Variants in NOTO observed in about 807,000 individuals in gnomAD.
NOTO encodes the protein homeobox protein notochord.
Under a neutral mutation model 20.5 loss-of-function variants are expected in NOTO, and 19 were observed. That is an observed-to-expected ratio of 0.93 (90% CI 0.65 to 1.36). The LOEUF is 1.36. Ranked by LOEUF, NOTO falls within the 40% of genes most tolerant of loss-of-function variation. The pLI, the probability that NOTO is intolerant of heterozygous loss-of-function variation, is 0.00. For missense variants in NOTO, 369 were observed against 336.2 expected, an observed-to-expected ratio of 1.10 and a Z score of -0.76; for synonymous variants, 150 against 150.2, an observed-to-expected ratio of 1.00 and a Z score of 0.01.
chr2:73,210,713 T>C (rs1242072990), intron 2 of NOTO, 58 bp from the exon 3 acceptor site: 18 of 1,426,470 alleles, frequency 1.3e-5, no homozygotes, highest in South Asian at 2.8e-5. Context: ...CTCCAGGAAT[T>C]AGGAAGCAGT....
Position 73,210,889 on chromosome 2 carries a change from G to A in NOTO, c.716G>A (p.Ser239Asn). The change falls in exon 3 of 3, where the codon AGT (serine) becomes AAT (asparagine). Residue 239 changes from serine to asparagine, a missense_variant. Ser to Asn is a conservative substitution (Grantham distance 46). Transcript: ENST00000398468. ...GAGCCTTCCAGCAGCTCCATCGCCA[G>A]TATCCAGAGTGATGATGCCGAGTCA... is the stretch of plus-strand genomic sequence containing the variant. Reference protein sequence around the residue: ...LDEPSSSSIASIQSDDAESGV... With the variant: ...LDEPSSSSIANIQSDDAESGV... The A allele has an allele frequency of 6.4e-7, 1 of 1,551,616 alleles. No homozygotes were observed. Among genetic ancestry groups the A allele is most frequent in the Non-Finnish European group, 8.7e-7 (1 of 1,146,916 alleles).
In NOTO at chr2:73,210,763, A is replaced by C; in HGVS notation, c.598-8A>C. ...ACATTCTGATCTCTGCCCACTCTCC[A>C]ATTATAGGTGAGAGTCTGGTTCCAG... On this transcript the variant is annotated splice_region_variant and splice_polypyrimidine_tract_variant and intron_variant, in intron 2 of 2. Transcript: ENST00000398468. 1 of 1,545,792 alleles carries C rather than the reference A, an allele frequency of 6.5e-7. No homozygotes were observed. The highest frequency in any genetic ancestry group is 1.2e-5 in the South Asian group (1 of 83,232).
At chr2:73,203,153 A>C (rs957178631) in intron 1 of NOTO, 105 bp downstream of exon 1, 28 of 1,002,248 alleles carry the variant, frequency 2.8e-5, no homozygotes, top group South Asian at 2.4e-5. Context: ...GAGTGTGAGA[A>C]TCACACACGG....
chr2:73,208,186 T>C (rs1686115119), intron 1 of NOTO, among the ~76,000 whole-genome samples: 1 of 152,238 alleles, frequency 6.6e-6, no homozygotes, highest in African/African-American at 2.4e-5. Flanking sequence ...GCAGACAGTC[T>C]CATTGCATTG....
Position 73,202,934 on chromosome 2 carries a change from C to A in NOTO, c.268C>A (p.Leu90Met). 6.6e-7 allele frequency: 1 copy of A among 1,519,370 alleles called. No homozygotes were observed. The highest frequency in any genetic ancestry group is 8.8e-7 in the Non-Finnish European group (1 of 1,137,476). The allele number at this position is 1,519,370 out of a possible 1,614,324, so 94.1% of individuals were successfully genotyped here. Reference protein sequence around the residue: ...TAASLCATGGLPWACPTSWLP... With the variant: ...TAASLCATGGMPWACPTSWLP... ...TGCTTCCCTGTGCGCCACCGGGGGT[C>A]TGCCCTGGGCTTGCCCGACATCGTG... Residue 90 changes from leucine (L) to methionine (M), a missense_variant, in exon 1 of 3, where the codon CTG becomes ATG. Transcript: ENST00000398468.
chr2:73,206,158 A>AT (rs1401076820), intron 1 of NOTO, among the ~76,000 whole-genome samples: 2 of 151,870 alleles, frequency 1.3e-5, no homozygotes, highest in East Asian at 1.9e-4. Context: ...CTCCATTTAG[A>AT]TTTTTTTTAG....
intron 1 of NOTO, 43 bp from the exon 2 acceptor site, chr2:73,208,357 C>T: frequency 7.1e-7 from 1 of 1,403,136 alleles, no homozygotes; most frequent in Non-Finnish European, 9.9e-7. Context: ...GGCTAACCTC[C>T]CCTGCTGCTG....
At chr2:73,210,470 T>C (rs1686163907) in intron 2 of NOTO, among the ~76,000 whole-genome samples, 1 of 152,222 alleles carries the variant, frequency 6.6e-6, no homozygotes, top group African/African-American at 2.4e-5. Context: ...TTTGTTTACA[T>C]GTTTCTTGCC....
rs927649380 is a variant in NOTO, at chr2:73,203,061, C to G, written c.382+13C>G. 1.0e-5 allele frequency: 14 copies of G among 1,372,564 alleles called. No homozygotes were observed. Among genetic ancestry groups the G allele is most frequent in the African/African-American group, 1.5e-5 (1 of 65,098 alleles). The allele number at this position is 1,372,564 out of a possible 1,614,324, so 85.0% of individuals were successfully genotyped here. A position where few individuals can be genotyped will look rare whatever the true frequency, so the allele number is the denominator to read the frequency against. On this transcript the variant is annotated intron_variant, in intron 1 of 2. Coordinates refer to ENST00000398468, the MANE Select transcript of NOTO (RefSeq NM_001134462.2). The stretch of plus-strand genomic sequence containing the variant: ...TTCGGCGTCACAGGTACTGCGGTCC[C>G]GGCGCCCGCACGCGGGGGACTGGGC...
In NOTO at chr2:73,202,686, G is replaced by C. The variant is rs1329327278; in HGVS notation, c.20G>C (p.Arg7Pro). Residue 7 changes from arginine (R) to proline (P), a missense_variant, in exon 1 of 3, where the codon CGA becomes CCA. By Grantham distance (103) the Arg-to-Pro change is moderately radical. Transcript: ENST00000398468. ...CGCGTCATGCCTAGCCCCAGGCCGC[G>C]AGGCAGCCCGCCACCCGCTCCCTCG... Reference protein sequence around the residue: MPSPRPRGSPPPAPSGS... With the variant: MPSPRPPGSPPPAPSGS... The C allele has an allele frequency of 6.7e-7, 1 of 1,500,164 alleles. No individual in the cohort carries two copies. The highest frequency in any genetic ancestry group is 8.8e-7 in the Non-Finnish European group (1 of 1,132,136). 92.9% of individuals were successfully genotyped at this position (1,500,164 alleles called of 1,614,324 possible).
At chr2:73,205,708 C>T (rs1005266000) in intron 1 of NOTO, among the ~76,000 whole-genome samples, 1 of 151,928 alleles carries the variant, frequency 6.6e-6, no homozygotes, top group Non-Finnish European at 1.5e-5. Context: ...GGTGCGATCA[C>T]GGCTCACTGC....
chr2:73,203,964 T>G (rs887205868), intron 1 of NOTO, among the ~76,000 whole-genome samples: 6 of 130,410 alleles, frequency 4.6e-5, no homozygotes, highest in African/African-American at 1.4e-4. Flanking sequence ...CCGGGCATGG[T>G]GGCGCGTGCC....
rs1168681204 is a variant in NOTO, at chr2:73,202,855, G to A, written c.189G>A (p.Pro63=). The change falls in exon 1 of 3, where the codon CCG becomes CCA. Residue 63 remains proline (P), a synonymous_variant. Transcript: ENST00000398468. The part of the protein sequence containing the change: ...AILARPDPCA[P]AASQPSGSAC... Reference sequence around the variant, plus strand: ...TGGCGAGGCCCGACCCCTGCGCGCCGGCGGCCTCCCAGCCGTCGGGCTCCG... The same window carrying A: ...TGGCGAGGCCCGACCCCTGCGCGCCAGCGGCCTCCCAGCCGTCGGGCTCCG... The A allele has an allele frequency of 5.2e-6, 8 of 1,526,338 alleles. No homozygotes were observed. The highest frequency in any genetic ancestry group is 7.0e-6 in the Non-Finnish European group (8 of 1,142,270). 94.5% of individuals were successfully genotyped at this position (1,526,338 alleles called of 1,614,324 possible). A position where few individuals can be genotyped will look rare whatever the true frequency, so the allele number is the denominator to read the frequency against.
rs1363044747 is a variant in NOTO, at chr2:73,208,592, G to A, written c.575G>A (p.Arg192Gln). The A allele has an allele frequency of 6.4e-6, 10 of 1,550,982 alleles. No homozygotes were observed. The highest frequency in any genetic ancestry group is 2.7e-5 in the African/African-American group (2 of 73,014). The part of the protein sequence containing the change: ...VGKKRAQLAA[R>Q]LKLTENQVRV... ...AAGAAGAGAGCCCAGCTGGCAGCTC[G>A]GCTCAAACTTACAGAGAACCAGGTG... Residue 192 changes from arginine to glutamine, a missense_variant, in exon 2 of 3, where the codon CGG (arginine) becomes CAG (glutamine). Coordinates refer to ENST00000398468, the MANE Select transcript of NOTO (RefSeq NM_001134462.2).
intron 2 of NOTO, 40 bp downstream of exon 2, chr2:73,208,654 G>C: frequency 7.5e-7 from 1 of 1,325,638 alleles, no homozygotes; most frequent in Non-Finnish European, 1.1e-6. Flanking sequence ...GCTGCACCTG[G>C]GGACAAACAC....
rs1686018599 is a variant in NOTO at position 73,202,632 on chromosome 2, C to T, written c.-35C>T. 1 of 1,424,112 alleles carries T rather than the reference C, an allele frequency of 7.0e-7. No homozygotes were observed. The allele number at this position is 1,424,112 out of a possible 1,614,324, so 88.2% of individuals were successfully genotyped here. A position where few individuals can be genotyped will look rare whatever the true frequency, so the allele number is the denominator to read the frequency against. Reference sequence around the variant, plus strand: ...AGAATCTTCTCACTTCTCCCGAGCTCCCTTCCTTGCGTCCGTCCGGGCAAC... The same window carrying T: ...AGAATCTTCTCACTTCTCCCGAGCTTCCTTCCTTGCGTCCGTCCGGGCAAC... On this transcript the variant is annotated 5_prime_UTR_variant, in exon 1 of 3. Transcript: ENST00000398468.
Position 73,208,332 on chromosome 2 carries a change from G to A in NOTO, c.383-68G>A, listed in dbSNP as rs1337405481. The A allele has an allele frequency of 3.7e-6, 4 of 1,088,292 alleles. No individual in the cohort carries two copies. In the East Asian group the frequency reaches 1.0e-4, roughly 28 times the overall value. 67.4% of individuals were successfully genotyped at this position (1,088,292 alleles called of 1,614,324 possible). ...GCCTTCTCATTTTGCCCAGATGGGA[G>A]TGCAGGGGGCTTCTGGCTAACCTCC... is the stretch of plus-strand genomic sequence containing the variant. On this transcript the variant is annotated intron_variant, in intron 1 of 2. Coordinates refer to ENST00000398468, the MANE Select transcript of NOTO (RefSeq NM_001134462.2).
chr2:73,210,825 AG>A lies in NOTO; in HGVS notation c.655del (p.Ala219GlnfsTer89). On this transcript the variant is annotated frameshift_variant, in exon 3 of 3. Coordinates refer to ENST00000398468, the MANE Select transcript of NOTO (RefSeq NM_001134462.2). LOFTEE classifies it low-confidence loss of function (END_TRUNC). ...RVKYQKQQKL[R>X]AAVTSAEAAS... is the part of the protein sequence containing the mutation. ...CAAGTATCAGAAGCAGCAAAAGCTG[AG>A]GGCAGCAGTTACATCTGCCGAGGCT... The A allele has an allele frequency of 6.4e-7, 1 of 1,551,654 alleles. No homozygotes were observed. Among genetic ancestry groups the A allele is most frequent in the Non-Finnish European group, 8.7e-7 (1 of 1,146,938 alleles).
chr2:73,204,549 G>A (rs1169608528), intron 1 of NOTO, among the ~76,000 whole-genome samples: 2 of 152,074 alleles, frequency 1.3e-5, no homozygotes, highest in African/African-American at 2.4e-5. Context: ...CCTTGGACTC[G>A]CAGCCCCATC....
Sources: gnomAD v4.1 joint callset for allele counts (sites outside exome capture counted in the v4.1 genomes callset) on GRCh38, gnomAD v4.1.1 for gene constraint, MANE v1.5 for transcripts, NCBI Gene and HGNC (gene_info 2026-07-23, HGNC 2026-07-21) for gene names.